The following STOX2 variants were observed in gnomAD, a reference collection of about 807,000 sequenced individuals.
The protein encoded by STOX2 is storkhead-box protein 2.
A neutral mutation model predicts 60.9 loss-of-function variants in STOX2; 28 were observed. The ratio of observed to expected loss-of-function variants is 0.46; its 90% CI spans 0.34 to 0.63. The LOEUF (loss-of-function observed/expected upper bound fraction) is 0.63. Ranked by LOEUF, STOX2 falls within the 30% of genes least tolerant of loss-of-function variation. The probability of loss-of-function intolerance (pLI) is 0.01; values close to 1 mark genes in which losing one functional copy is unlikely to be tolerated. For synonymous variants in STOX2, 472 were observed against 463.9 expected (o/e 1.02, Z -0.22); for missense variants, 1,024 against 1,187.7 (o/e 0.86, Z 2.03).
At chr4:183,994,135 G>A (rs1445945588) in intron 1 of STOX2, among the ~76,000 whole-genome samples, 1 of 152,192 alleles carries the variant, frequency 6.6e-6, no homozygotes, top group Non-Finnish European at 1.5e-5. Flanking sequence ...AAGCCCAAGG[G>A]CATTTAAGAT....
intron 1 of STOX2, among the ~76,000 whole-genome samples, chr4:183,911,442 A>C (rs1023605567): frequency 6.6e-6 from 1 of 152,146 alleles, no homozygotes; most frequent in Non-Finnish European, 1.5e-5. Context: ...ACTGTGTTTT[A>C]ATTTGAAACT....
chr4:183,919,687 C>T (rs1239925270), intron 1 of STOX2, among the ~76,000 whole-genome samples: 1 of 152,116 alleles, frequency 6.6e-6, no homozygotes, highest in African/African-American at 2.4e-5. Flanking sequence ...CTCACTGCAA[C>T]CTCTACCTCC....
intron 1 of STOX2, among the ~76,000 whole-genome samples, chr4:183,848,269 A>G (rs1428406827): frequency 6.6e-6 from 1 of 152,198 alleles, no homozygotes; most frequent in Non-Finnish European, 1.5e-5. Context: ...CACTGTCATT[A>G]GAATATTGGC....
At chr4:183,855,421 G>C (rs1349552999) in intron 1 of STOX2, among the ~76,000 whole-genome samples, 1 of 152,126 alleles carries the variant, frequency 6.6e-6, no homozygotes, top group Non-Finnish European at 1.5e-5. Context: ...TCTGATAAAT[G>C]ATTGCTTCAA....
intron 1 of STOX2, among the ~76,000 whole-genome samples, chr4:183,993,441 A>C (rs1472169008): frequency 6.6e-6 from 1 of 152,186 alleles, no homozygotes; most frequent in Non-Finnish European, 1.5e-5. Context: ...TTCCCATTAG[A>C]AGTTTCTTAG....
In STOX2 at chr4:184,011,448, A is replaced by G. The variant is rs759979507; in HGVS notation, c.2585+25A>G. 1 of 1,595,430 alleles carries G rather than the reference A, an allele frequency of 6.3e-7. No individual in the cohort carries two copies. Reference sequence around the variant, plus strand: ...GGTAGGGAGAGGTGTCTCTGTGCACACACATGCGCCTAGCGGGGCCTGGGG... The same window carrying G: ...GGTAGGGAGAGGTGTCTCTGTGCACGCACATGCGCCTAGCGGGGCCTGGGG... On this transcript the variant is annotated intron_variant, in intron 3 of 3. Transcript: ENST00000308497. The surrounding 1 kb of genome is among the most constrained non-coding windows in gnomAD (Gnocchi z 4.4).
chr4:183,957,921 C>G (rs1411241763), intron 1 of STOX2, among the ~76,000 whole-genome samples: 1 of 150,000 alleles, frequency 6.7e-6, no homozygotes, highest in Non-Finnish European at 1.5e-5. Flanking sequence ...TGGTTTCTTT[C>G]AGGGGGGATG....
chr4:183,808,818 C>T (rs577221551), intron 1 of STOX2, among the ~76,000 whole-genome samples: 30 of 152,172 alleles, frequency 2.0e-4, no homozygotes, highest in African/African-American at 6.7e-4. Flanking sequence ...CTTTTGGCTT[C>T]CCTGGGCCAC....
intron 1 of STOX2, among the ~76,000 whole-genome samples, chr4:183,938,286 C>A (rs56085530): frequency 6.6e-6 from 1 of 152,298 alleles, no homozygotes; most frequent in Admixed American, 6.5e-5. Context: ...ATTTTAGATA[C>A]ACATTATTCC....
intron 1 of STOX2, among the ~76,000 whole-genome samples, chr4:183,943,939 C>T (rs1742819594): frequency 6.6e-6 from 1 of 152,200 alleles, no homozygotes; most frequent in African/African-American, 2.4e-5. Context: ...TGCCACTCTG[C>T]TGTAGCCACC....
intron 1 of STOX2, among the ~76,000 whole-genome samples, chr4:183,914,195 G>A (rs1252946898): frequency 6.6e-6 from 1 of 152,170 alleles, no homozygotes; most frequent in Non-Finnish European, 1.5e-5. Context: ...GAGAACAAAG[G>A]AACTGGCCGT....
intron 2 of STOX2, among the ~76,000 whole-genome samples, chr4:184,008,603 T>C (rs570097484): frequency 6.6e-6 from 1 of 152,240 alleles, no homozygotes; most frequent in Non-Finnish European, 1.5e-5. Flanking sequence ...GGATACATCA[T>C]AAACAGTAGT....
chr4:183,973,414 T>C (rs899191977), intron 1 of STOX2, among the ~76,000 whole-genome samples: 8 of 152,102 alleles, frequency 5.3e-5, no homozygotes, highest in Admixed American at 5.2e-4. Context: ...TAACATATAA[T>C]AGAACAAGTT....
chr4:183,798,083 C>T lies in STOX2; in HGVS notation c.364+28C>T, dbSNP rs1041177363. On this transcript the variant is annotated intron_variant, in intron 1 of 2. Transcript: ENST00000513034. ...GAGTGCGACCGCCGCGCGCCCGTCC[C>T]GTCCCTTCCCACCGGATCGCGTCCG... 1.5e-5 allele frequency: 19 copies of T among 1,225,862 alleles called. No homozygotes were observed. The African/African-American group carries it at 2.8e-4, about 18-fold the overall frequency. 75.9% of individuals were successfully genotyped at this position (1,225,862 alleles called of 1,614,324 possible). A position where few individuals can be genotyped will look rare whatever the true frequency, so the allele number is the denominator to read the frequency against.
chr4:183,966,122 A>G (rs77111876), intron 1 of STOX2, among the ~76,000 whole-genome samples: 2,013 of 151,954 alleles, frequency 0.013, 49 homozygotes, highest in African/African-American at 0.047. Context: ...AATCAGAGAG[A>G]GTTTTGGGAC....
At position 183,833,486 on chromosome 4, in the gene STOX2, G is replaced by A. The variant is rs551552097; in HGVS notation, c.364+35431G>A. Among the ~76,000 whole-genome samples the A allele has an allele frequency of 2.6e-5, 4 of 152,182 alleles. No homozygotes were observed. In the East Asian group the frequency reaches 7.7e-4, roughly 29 times the overall value. The stretch of plus-strand genomic sequence containing the variant: ...ATATCCCACCCTTTAAGACCTTCAG[G>A]TTAGAGAGGAGACATTCTGAAAAAA... On this transcript the variant is annotated intron_variant, in intron 1 of 2. Transcript: ENST00000513034.
intron 1 of STOX2, among the ~76,000 whole-genome samples, chr4:183,984,875 A>G (rs1732783755): frequency 6.6e-6 from 1 of 152,192 alleles, no homozygotes; most frequent in African/African-American, 2.4e-5. Flanking sequence ...GAGGACTGCT[A>G]ATGATGGCTG....
chr4:183,862,857 G>C (rs1424635457), intron 1 of STOX2, among the ~76,000 whole-genome samples: 5 of 152,172 alleles, frequency 3.3e-5, no homozygotes, highest in African/African-American at 1.2e-4. Context: ...TAAACACAGG[G>C]CCTCCCTGGA....
chr4:183,836,238 CCTT>C lies in STOX2; in HGVS notation c.364+38186_364+38188del, dbSNP rs1363372804. ...CTTTGGTATTTGTTGTTTGGACTCT[CCTT>C]CTCCTGGCTTGTGGAGATTGCTTTA... On this transcript the variant is annotated intron_variant, in intron 1 of 2. Transcript: ENST00000513034. The surrounding 1 kb of genome is among the most constrained non-coding windows in gnomAD (Gnocchi z 4.1). Among the ~76,000 whole-genome samples the C allele has an allele frequency of 2.6e-5, 4 of 152,184 alleles. No homozygotes were observed. Among genetic ancestry groups the C allele is most frequent in the South Asian group, 2.1e-4 (1 of 4,820 alleles).
Sources: gnomAD v4.1 joint callset for allele counts (sites outside exome capture counted in the v4.1 genomes callset) on GRCh38, gnomAD v4.1.1 for gene constraint, Gnocchi (gnomAD v3.1) non-coding constraint, MANE v1.5 for transcripts, NCBI Gene and HGNC (gene_info 2026-07-23, HGNC 2026-07-21) for gene names.